The following DNER variants were observed in gnomAD, a reference collection of about 807,000 sequenced individuals.
DNER encodes delta/notch like EGF repeat containing, also known as delta and Notch-like epidermal growth factor-related receptor.
A neutral mutation model predicts 78.2 loss-of-function variants in DNER; 33 were observed. The observed-to-expected ratio is 0.42, with a 90% CI of 0.32 to 0.56. The LOEUF (loss-of-function observed/expected upper bound fraction) is 0.56. Ranked by LOEUF, DNER falls within the 20% of genes least tolerant of loss-of-function variation. The pLI, the probability that DNER is intolerant of heterozygous loss-of-function variation, is 0.11. For missense variants in DNER, 918 were observed against 975.3 expected (o/e 0.94, Z 0.78); for synonymous variants, 417 against 384.8 (o/e 1.08, Z -0.98).
intron 1 of DNER, among the ~76,000 whole-genome samples, chr2:229,616,090 ATAAACT>A (rs1054959260): frequency 3.3e-5 from 5 of 152,256 alleles, no homozygotes; most frequent in South Asian, 2.1e-4. Context: ...TGCAAAACTG[ATAAACT>A]TAAATTAATA....
chr2:229,708,929 T>G (rs1298898776), intron 1 of DNER, among the ~76,000 whole-genome samples: 1 of 152,222 alleles, frequency 6.6e-6, no homozygotes, highest in East Asian at 1.9e-4. Context: ...GTTCTTTCAT[T>G]TCAAAAGAAA....
chr2:229,549,256 C>T (rs1449078084), intron 4 of DNER, among the ~76,000 whole-genome samples: 1 of 152,132 alleles, frequency 6.6e-6, no homozygotes, highest in Admixed American at 6.6e-5. Flanking sequence ...AGAGCAAATA[C>T]CACAAAACAC....
chr2:229,590,170 A>G (rs1697576945), intron 2 of DNER, among the ~76,000 whole-genome samples: 1 of 152,174 alleles, frequency 6.6e-6, no homozygotes, highest in Non-Finnish European at 1.5e-5. Context: ...GTCACTTCAA[A>G]CTCATGATTT....
intron 4 of DNER, among the ~76,000 whole-genome samples, chr2:229,583,869 T>C (rs1574913684): frequency 6.6e-6 from 1 of 152,348 alleles, no homozygotes; most frequent in East Asian, 1.9e-4. Flanking sequence ...CAGTCTGAAG[T>C]GAAATGCACT....
intron 6 of DNER, among the ~76,000 whole-genome samples, chr2:229,507,390 A>G (rs1163997513): frequency 6.6e-6 from 1 of 152,204 alleles, no homozygotes; most frequent in Non-Finnish European, 1.5e-5. Context: ...GGAGATTCCT[A>G]TATGCCTACA....
At chr2:229,367,184 T>C (rs1472723520) in intron 11 of DNER, 65 bp from the exon 12 acceptor site, 3 of 1,595,000 alleles carry the variant, frequency 1.9e-6, no homozygotes, top group South Asian at 2.3e-5. Flanking sequence ...GAAGGCCTTT[T>C]TCATCTTTGC....
chr2:229,500,602 T>C (rs1695599252), intron 6 of DNER, among the ~76,000 whole-genome samples: 1 of 152,204 alleles, frequency 6.6e-6, no homozygotes, highest in Admixed American at 6.5e-5. Context: ...TGTAGCATTA[T>C]TTACGAATAG....
intron 4 of DNER, among the ~76,000 whole-genome samples, chr2:229,575,369 G>A (rs936099141): frequency 6.6e-6 from 1 of 152,200 alleles, no homozygotes; most frequent in Non-Finnish European, 1.5e-5. Context: ...AACTGCAGAA[G>A]CATCTTAGTA....
intron 10 of DNER, among the ~76,000 whole-genome samples, chr2:229,403,683 G>C (rs1372796986): frequency 6.6e-6 from 1 of 152,094 alleles, no homozygotes; most frequent in Non-Finnish European, 1.5e-5. Flanking sequence ...CCTGAGATCA[G>C]GGTGGGTCTC....
chr2:229,599,708 A>G (rs1231630391), intron 1 of DNER, among the ~76,000 whole-genome samples: 2 of 152,226 alleles, frequency 1.3e-5, no homozygotes, highest in African/African-American at 4.8e-5. Flanking sequence ...TGTACAACAT[A>G]CTATAAAGGA....
At chr2:229,554,894 A>G (rs1274131522) in intron 4 of DNER, among the ~76,000 whole-genome samples, 1 of 96,576 alleles carries the variant, frequency 1.0e-5, no homozygotes, top group Non-Finnish European at 2.2e-5. Context: ...AGAGAAGAGA[A>G]GAGAAGAGAA....
At chr2:229,453,426 A>G (rs955099839) in intron 7 of DNER, among the ~76,000 whole-genome samples, 3 of 152,182 alleles carry the variant, frequency 2.0e-5, no homozygotes, top group African/African-American at 7.2e-5. Context: ...AATATGCAGA[A>G]CTTGTGCTCA....
intron 7 of DNER, among the ~76,000 whole-genome samples, chr2:229,476,590 A>G (rs900272749): frequency 3.3e-5 from 5 of 152,168 alleles, no homozygotes; most frequent in Non-Finnish European, 7.4e-5. Context: ...GCAAGCAGAA[A>G]TGGGAACAAA....
chr2:229,399,235 A>G (rs1693214000), intron 10 of DNER, among the ~76,000 whole-genome samples: 1 of 152,008 alleles, frequency 6.6e-6, no homozygotes, highest in Non-Finnish European at 1.5e-5. Flanking sequence ...ATTTAAACAT[A>G]CAAAAATCAA....
chr2:229,472,556 A>T (rs1422377744), intron 7 of DNER, among the ~76,000 whole-genome samples: 1 of 152,192 alleles, frequency 6.6e-6, no homozygotes, highest in East Asian at 1.9e-4. Context: ...ATTTAAATAT[A>T]CATATTTAAA....
At chr2:229,480,897 C>T (rs536508053) in intron 6 of DNER, among the ~76,000 whole-genome samples, 39 of 152,318 alleles carry the variant, frequency 2.6e-4, no homozygotes, top group African/African-American at 7.0e-4. Context: ...ATGCTCTAGA[C>T]CCGTAAAGTA....
At chr2:229,521,809 C>T (rs1490832014) in intron 5 of DNER, among the ~76,000 whole-genome samples, 4 of 152,138 alleles carry the variant, frequency 2.6e-5, no homozygotes, top group African/African-American at 7.2e-5. Context: ...CAAACTGTTG[C>T]TCTTTGGGGG....
chr2:229,452,505 G>T (rs527846805), intron 7 of DNER, among the ~76,000 whole-genome samples: 2 of 152,090 alleles, frequency 1.3e-5, no homozygotes, highest in Non-Finnish European at 1.5e-5. Flanking sequence ...CAAAAAAGAC[G>T]GCCGCCATAA....
intron 1 of DNER, among the ~76,000 whole-genome samples, chr2:229,686,529 C>T (rs1699485598): frequency 6.6e-6 from 1 of 152,164 alleles, no homozygotes; most frequent in Non-Finnish European, 1.5e-5. Flanking sequence ...ACTTTATGGG[C>T]TCACACCTCA....
Sources: gnomAD v4.1 joint callset for allele counts (sites outside exome capture counted in the v4.1 genomes callset) on GRCh38, gnomAD v4.1.1 for gene constraint, MANE v1.5 for transcripts, NCBI Gene and HGNC (gene_info 2026-07-23, HGNC 2026-07-21) for gene names.